The following LAMC3 variants were observed in gnomAD, a reference collection of about 807,000 sequenced individuals.
The protein encoded by LAMC3 is laminin subunit gamma 3.
A neutral mutation model predicts 173.8 loss-of-function variants in LAMC3; 128 were observed. The observed-to-expected ratio is 0.74, with a 90% CI of 0.64 to 0.85. The LOEUF (loss-of-function observed/expected upper bound fraction) is 0.85, where lower values mean the gene tolerates loss of function less well. Among genes scored for constraint, LAMC3 ranks in the 40% least tolerant of loss-of-function variants. The probability of loss-of-function intolerance (pLI) is 0.00; values close to 1 mark genes in which losing one functional copy is unlikely to be tolerated. For synonymous variants in LAMC3, 897 were observed against 909.1 expected (o/e 0.99, Z 0.24); for missense variants, 2,022 against 2,156.0 (o/e 0.94, Z 1.23).
intron 1 of LAMC3, among the ~76,000 whole-genome samples, chr9:131,024,866 C>T (rs552377670): frequency 7.2e-5 from 11 of 152,158 alleles, no homozygotes; most frequent in African/African-American, 2.6e-4. Flanking sequence ...AGGAGGCTAG[C>T]TAAGGAGTCA....
chr9:131,075,762 G>A, intron 20 of LAMC3, 69 bp from the exon 21 acceptor site: 2 of 1,531,280 alleles, frequency 1.3e-6, no homozygotes, highest in Non-Finnish European at 1.8e-6. Context: ...GTAGTAGGGG[G>A]CGTAGTTCTG....
chr9:131,094,383 G>A lies in LAMC3; in HGVS notation c.*2596G>A, dbSNP rs1368847864. On this transcript the variant is annotated 3_prime_UTR_variant, in exon 28 of 28. Coordinates refer to ENST00000361069, the MANE Select transcript of LAMC3 (RefSeq NM_006059.4). ...CCACCCCCCAACCTAATGGGAGATG[G>A]TGTTCAGAGAAGAGGTGTGCTCCTC... 5 of 152,246 alleles carry A rather than the reference G, an allele frequency of 3.3e-5. No homozygotes were observed. The highest frequency in any genetic ancestry group is 1.5e-5 in the Non-Finnish European group (1 of 68,098). The allele number at this position is 152,246 out of a possible 1,614,324, so 9.4% of individuals were successfully genotyped here.
chr9:131,083,838 C>T (rs1160989299), intron 24 of LAMC3, among the ~76,000 whole-genome samples: 1 of 121,084 alleles, frequency 8.3e-6, no homozygotes, highest in Non-Finnish European at 1.8e-5. Flanking sequence ...TAAAAATTGA[C>T]TTTTACTTTG....
At chr9:131,069,925 C>T in intron 17 of LAMC3, 75 bp downstream of exon 17, 1 of 1,415,992 alleles carries the variant, frequency 7.1e-7, no homozygotes. Context: ...TGCCGGGCAC[C>T]AGGAACTGCC....
intron 24 of LAMC3, among the ~76,000 whole-genome samples, chr9:131,084,827 A>C (rs1439355213): frequency 6.6e-6 from 1 of 151,654 alleles, no homozygotes; most frequent in East Asian, 1.9e-4. Flanking sequence ...TAAACCCGTG[A>C]GGCAGAGGTT....
intron 14 of LAMC3, among the ~76,000 whole-genome samples, chr9:131,067,605 T>C: frequency 1.3e-5 from 2 of 152,290 alleles, no homozygotes; most frequent in Middle Eastern, 6.8e-3. Context: ...AAGCTCAGCC[T>C]TTGCTCCACA....
At position 131,068,064 on chromosome 9, in the gene LAMC3, G is replaced by T; in HGVS notation, c.2594-14G>T. 1 of 1,608,192 alleles carries T rather than the reference G, an allele frequency of 6.2e-7. No individual in the cohort carries two copies. On this transcript the variant is annotated splice_polypyrimidine_tract_variant and intron_variant, in intron 14 of 27. Coordinates refer to ENST00000361069, the MANE Select transcript of LAMC3 (RefSeq NM_006059.4). The stretch of plus-strand genomic sequence containing the variant: ...TGCATTGTTCCCAACACCCCTTCCT[G>T]CTCCTGCCCCCAGCTTGCAGCTGTC...
intron 27 of LAMC3, among the ~76,000 whole-genome samples, chr9:131,090,072 C>T (rs1169360489): frequency 6.6e-6 from 1 of 152,140 alleles, no homozygotes; most frequent in African/African-American, 2.4e-5. Context: ...GCTGGGATTA[C>T]GGGAGACAGC....
chr9:131,012,565 G>A (rs145555641), intron 1 of LAMC3, among the ~76,000 whole-genome samples: 351 of 152,336 alleles, frequency 2.3e-3, no homozygotes, highest in Non-Finnish European at 3.9e-3. Flanking sequence ...AAGGGGCGCC[G>A]GGGGCCCAGC....
At chr9:131,054,136 G>A (rs900063011) in intron 11 of LAMC3, among the ~76,000 whole-genome samples, 2 of 152,172 alleles carry the variant, frequency 1.3e-5, no homozygotes, top group Admixed American at 6.6e-5. Flanking sequence ...TGAAAGTCAT[G>A]TGGGGAGTTT....
intron 2 of LAMC3, among the ~76,000 whole-genome samples, chr9:131,030,452 G>T (rs1243824801): frequency 6.6e-6 from 1 of 152,220 alleles, no homozygotes; most frequent in Admixed American, 6.5e-5. Context: ...GGCATGATAA[G>T]GGCTTTGGGA....
chr9:131,055,615 CG>C (rs1176220928), intron 11 of LAMC3, among the ~76,000 whole-genome samples: 11 of 150,954 alleles, frequency 7.3e-5, no homozygotes, highest in African/African-American at 4.9e-5. Flanking sequence ...TTAGTAGAGA[CG>C]GGGTTTCACC....
At chr9:131,013,770 C>T (rs887103813) in intron 1 of LAMC3, among the ~76,000 whole-genome samples, 8 of 152,146 alleles carry the variant, frequency 5.3e-5, no homozygotes, top group Admixed American at 1.3e-4. Context: ...GTGCAGACAC[C>T]GAGAAGACGC....
At position 131,092,496 on chromosome 9, in the gene LAMC3, T is replaced by C. The variant is rs967306188; in HGVS notation, c.*709T>C. On this transcript the variant is annotated 3_prime_UTR_variant, in exon 28 of 28. Coordinates refer to ENST00000361069, the MANE Select transcript of LAMC3 (RefSeq NM_006059.4). ...GAGGCCGTGGCCAGGCCTGCTAGTCTGGCTAGAGCAAGGCCCATTCCTGGC... is the reference window on the plus strand; with the variant it reads ...GAGGCCGTGGCCAGGCCTGCTAGTCCGGCTAGAGCAAGGCCCATTCCTGGC... The C allele has an allele frequency of 6.5e-6, 1 of 153,044 alleles. No individual in the cohort carries two copies. The highest frequency in any genetic ancestry group is 2.4e-5 in the African/African-American group (1 of 41,452). The allele number at this position is 153,044 out of a possible 1,614,324, so 9.5% of individuals were successfully genotyped here. A position where few individuals can be genotyped will look rare whatever the true frequency, so the allele number is the denominator to read the frequency against.
chr9:131,026,625 G>A lies in LAMC3; in HGVS notation c.678+36G>A. The stretch of plus-strand genomic sequence containing the variant: ...AGCGGGGCTTCGGAGGTTGGGACGG[G>A]GTTGGGACTGGGTCACGGCAGTAGG... On this transcript the variant is annotated intron_variant, in intron 2 of 27. Transcript: ENST00000361069. This position sits in a 1 kb window ranked among gnomAD's most constrained non-coding sequence, Gnocchi z 4.8. 2.0e-6 allele frequency: 3 copies of A among 1,526,774 alleles called. No individual in the cohort carries two copies. Among genetic ancestry groups the A allele is most frequent in the African/African-American group, 2.7e-5 (2 of 73,444 alleles). The allele number at this position is 1,526,774 out of a possible 1,614,324, so 94.6% of individuals were successfully genotyped here.
In LAMC3 at chr9:131,082,167, T is replaced by G. The variant is rs767451162; in HGVS notation, c.4030+6T>G. 1 of 1,600,460 alleles carries G rather than the reference T, an allele frequency of 6.2e-7. No homozygotes were observed. The highest frequency in any genetic ancestry group is 1.7e-5 in the Admixed American group (1 of 59,770). ...TCTGCTGGCTGATCTGGAAGGTACG[T>G]GAGTCCAGCTGACCACTAGGCTGTG... On this transcript the variant is annotated splice_donor_region_variant and intron_variant, in intron 24 of 27. Coordinates refer to ENST00000361069, the MANE Select transcript of LAMC3 (RefSeq NM_006059.4).
chr9:131,012,184 G>C (rs1833428134), intron 1 of LAMC3, among the ~76,000 whole-genome samples: 1 of 152,030 alleles, frequency 6.6e-6, no homozygotes, highest in Non-Finnish European at 1.5e-5. Flanking sequence ...TGAGTGACAG[G>C]GTCACCTCCT....
At chr9:131,076,736 A>G (rs1389904485) in intron 21 of LAMC3, among the ~76,000 whole-genome samples, 1 of 152,070 alleles carries the variant, frequency 6.6e-6, no homozygotes, top group African/African-American at 2.4e-5. Flanking sequence ...AAGGGCCCAC[A>G]GGGATTCTGC....
At chr9:131,067,930 C>T in intron 14 of LAMC3, 148 bp from the exon 15 acceptor site, 1 of 882,162 alleles carries the variant, frequency 1.1e-6, no homozygotes. Context: ...GCCCTGGAGC[C>T]TTTTTCCAGC....
Sources: gnomAD v4.1 joint callset for allele counts (sites outside exome capture counted in the v4.1 genomes callset) on GRCh38, gnomAD v4.1.1 for gene constraint, Gnocchi (gnomAD v3.1) non-coding constraint, MANE v1.5 for transcripts, NCBI Gene and HGNC (gene_info 2026-07-23, HGNC 2026-07-21) for gene names.